GABRD: variants seen among roughly 807,000 people sequenced by gnomAD.
GABRD encodes the protein gamma-aminobutyric acid type A receptor subunit delta, also known as gamma-aminobutyric acid receptor subunit delta.
In GABRD, 25 loss-of-function variants were observed where a neutral mutation model predicts 47.3. The ratio of observed to expected loss-of-function variants is 0.53; its 90% CI spans 0.39 to 0.74. The LOEUF is 0.74. Among genes scored for constraint, GABRD ranks in the 30% least tolerant of loss-of-function variants. The pLI is 0.00. For synonymous variants in GABRD, 314 were observed against 278.8 expected, an observed-to-expected ratio of 1.13 and a Z score of -1.26; for missense variants, 497 against 643.4, an observed-to-expected ratio of 0.77 and a Z score of 2.46.
In GABRD at chr1:2,029,770, C is replaced by T. The variant is rs752030520; in HGVS notation, c.1059+8C>T. On this transcript the variant is annotated splice_region_variant and intron_variant, in intron 8 of 8. Transcript: ENST00000378585. The stretch of plus-strand genomic sequence containing the variant: ...TCCAGGCCGAGGGCAGAGGTGAGGG[C>T]CTGGGGCCGAGCCAGGGACAGCACT... 37 of 1,609,292 alleles carry T rather than the reference C, an allele frequency of 2.3e-5. No individual in the cohort carries two copies. In the Admixed American group the frequency reaches 3.0e-4, roughly 13 times the overall value.
chr1:2,025,619 C>G lies in GABRD; in HGVS notation c.351C>G (p.Asp117Glu). 1.9e-6 allele frequency: 3 copies of G among 1,613,132 alleles called. No homozygotes were observed. The highest frequency in any genetic ancestry group is 2.5e-6 in the Non-Finnish European group (3 of 1,180,010). The stretch of plus-strand genomic sequence containing the variant: ...TGGGTCTGGACAGCCGCTTCGTGGA[C>G]AAGCTGTGGCTGCCCGACACCTTCA... ...ETLGLDSRFV[D>E]KLWLPDTFIV... is the part of the protein sequence containing the mutation. Residue 117 changes from aspartate (D) to glutamate (E), a missense_variant, in exon 4 of 9, where the codon GAC (aspartate) becomes GAG (glutamate). Asp to Glu is a conservative substitution (Grantham distance 45). This residue lies in a region of GABRD where 285 missense variants were observed against 436.6 expected (regional missense o/e 0.65). Transcript: ENST00000378585.
rs2229110 is a variant in GABRD, at chr1:2,025,598, T to C, written c.330T>C (p.Gly110=). 0.63 allele frequency: 1,020,416 copies of C among 1,612,716 alleles called. 327,885 individuals are homozygous for C. Among genetic ancestry groups the C allele is most frequent in the African/African-American group, 0.73 (54,713 of 74,990 alleles). The change falls in exon 4 of 9, where the codon GGT becomes GGC. Residue 110 remains glycine (G), a synonymous_variant. Transcript: ENST00000378585. The part of the protein sequence containing the change: ...LSYNHTNETL[G]LDSRFVDKLW... ...ACAACCACACCAACGAGACCCTGGG[T>C]CTGGACAGCCGCTTCGTGGACAAGC...
At chr1:2,021,296 A>C (rs577155788) in intron 1 of GABRD, among the ~76,000 whole-genome samples, 1 of 152,174 alleles carries the variant, frequency 6.6e-6, no homozygotes, top group African/African-American at 2.4e-5. Context: ...CTTGGCGTCT[A>C]GGGGCAGGCC....
At chr1:2,027,463 A>T (rs1658957374) in intron 4 of GABRD, 114 bp from the exon 5 acceptor site, 5 of 798,926 alleles carry the variant, frequency 6.3e-6, no homozygotes, top group Non-Finnish European at 1.1e-5. Flanking sequence ...ACAGTCTGAG[A>T]AGTAGCTGGG....
rs200856528 is a variant in GABRD, at chr1:2,029,289, C to T, written c.847+23C>T. On this transcript the variant is annotated intron_variant, in intron 7 of 8. Transcript: ENST00000378585. ...TAGGTACGGGGCCTCGCCGCTGCTC[C>T]GAGGGAGCTGGAAGGGCGGCCCTGG... The T allele has an allele frequency of 3.8e-5, 59 of 1,544,620 alleles. 1 individual carries two copies. The highest frequency in any genetic ancestry group is 3.3e-4 in the South Asian group (28 of 84,104).
chr1:2,023,020 G>A (rs886844727), intron 1 of GABRD, among the ~76,000 whole-genome samples: 4 of 152,170 alleles, frequency 2.6e-5, no homozygotes, highest in African/African-American at 4.8e-5. Context: ...CCCAAACCCC[G>A]GTGGTCCTCA....
At position 2,028,087 on chromosome 1, in the gene GABRD, G is replaced by A. The variant is rs546749981; in HGVS notation, c.554-68G>A. ...CCCCTGCAGGCTTCCTGTGTGGACG[G>A]AGCGCTCCTGCCAGGGCTCCCGGGG... On this transcript the variant is annotated intron_variant, in intron 5 of 8. Transcript: ENST00000378585. The surrounding 1 kb of genome is among the most constrained non-coding windows in gnomAD (Gnocchi z 6.4). 29 of 1,552,398 alleles carry A rather than the reference G, an allele frequency of 1.9e-5. No homozygotes were observed. In the East Asian group the frequency reaches 6.2e-4, roughly 33 times the overall value.
At chr1:2,025,936 G>A (rs535133244) in intron 4 of GABRD, 198 bp downstream of exon 4, 12 of 600,018 alleles carry the variant, frequency 2.0e-5, no homozygotes, top group Middle Eastern at 4.5e-4. Context: ...CAAGGTCGCC[G>A]ACAGGAAGCC....
Position 2,027,675 on chromosome 1 carries a change from A to G in GABRD, c.553+16A>G, listed in dbSNP as rs917410476. ...CTGGAGAGCTGTGAGTGGGTGTGCA[A>G]GGCGGGTAGGGGCTTCTCCAGCAGT... On this transcript the variant is annotated intron_variant, in intron 5 of 8. Transcript: ENST00000378585. 6.2e-7 allele frequency: 1 copy of G among 1,610,484 alleles called. No individual in the cohort carries two copies. The highest frequency in any genetic ancestry group is 1.3e-5 in the African/African-American group (1 of 74,852).
At position 2,029,150 on chromosome 1, in the gene GABRD, G is replaced by T; in HGVS notation, c.731G>T (p.Arg244Leu). 1.3e-6 allele frequency: 2 copies of T among 1,547,154 alleles called. No homozygotes were observed. The highest frequency in any genetic ancestry group is 1.7e-6 in the Non-Finnish European group (2 of 1,147,658). ...FPRLSLHFHLRRNRGVYIIQS... is the reference protein window; with the variant it reads ...FPRLSLHFHLLRNRGVYIIQS... ...CGGCTCAGCCTGCACTTCCACCTGCGGAGGAACCGCGGCGTGTACATCATC... is the reference window on the plus strand; with the variant it reads ...CGGCTCAGCCTGCACTTCCACCTGCTGAGGAACCGCGGCGTGTACATCATC... Residue 244 changes from arginine (R) to leucine (L), a missense_variant, in exon 7 of 9, where the codon CGG (arginine) becomes CTG (leucine). Coordinates refer to ENST00000378585, the MANE Select transcript of GABRD (RefSeq NM_000815.5).
chr1:2,027,179 A>G (rs1190562326), intron 4 of GABRD: 3 of 329,832 alleles, frequency 9.1e-6, no homozygotes, highest in South Asian at 2.5e-5. Flanking sequence ...AAACAAAAAC[A>G]TCGGGATATT....
Position 2,025,555 on chromosome 1 carries a change from G to A in GABRD, c.287G>A (p.Arg96Gln), listed in dbSNP as rs751411266. ...TMTVFLHQSW[R>Q]DSRLSYNHTN... ...ACGGTGTTCCTGCACCAGAGCTGGC[G>A]GGACAGCAGGCTCTCCTACAACCAC... Residue 96 changes from arginine (R) to glutamine (Q), a missense_variant, in exon 4 of 9, where the codon CGG (arginine) becomes CAG (glutamine). Transcript: ENST00000378585. 7 of 1,613,096 alleles carry A rather than the reference G, an allele frequency of 4.3e-6. No individual in the cohort carries two copies. The highest frequency in any genetic ancestry group is 4.5e-5 in the East Asian group (2 of 44,888).
chr1:2,029,961 T>G, intron 8 of GABRD, 22 bp from the exon 9 acceptor site: 2 of 1,611,018 alleles, frequency 1.2e-6, no homozygotes, highest in Non-Finnish European at 1.7e-6. Flanking sequence ...CAGCCCTGTC[T>G]CCCCCACCGG....
chr1:2,027,917 C>A, intron 5 of GABRD: 1 of 613,606 alleles, frequency 1.6e-6, no homozygotes. Flanking sequence ...TGAGCCAGTG[C>A]AGCAGCCCCT....
At chr1:2,029,826 GC>G in intron 8 of GABRD, 64 bp downstream of exon 8, 6 of 1,527,822 alleles carry the variant, frequency 3.9e-6, no homozygotes, top group Non-Finnish European at 5.4e-6. Flanking sequence ...CCCTTCAGCT[GC>G]CCCAGCCCAC....
At chr1:2,022,368 G>A (rs1025799670) in intron 1 of GABRD, 18 of 152,326 alleles carry the variant, frequency 1.2e-4, no homozygotes, top group African/African-American at 4.3e-4. Flanking sequence ...TTCACGGTGG[G>A]AAAACGACCG....
At chr1:2,023,645 C>G (rs1268339477) in intron 1 of GABRD, 1 of 152,228 alleles carries the variant, frequency 6.6e-6, no homozygotes, top group East Asian at 1.9e-4. Context: ...GTCCCGGCCC[C>G]TCAACTCTCC....
intron 4 of GABRD, 124 bp downstream of exon 4, chr1:2,025,862 G>A (rs561793868): frequency 5.2e-6 from 4 of 764,336 alleles, no homozygotes; most frequent in African/African-American, 5.2e-5. Context: ...CGGGCGGGCG[G>A]AGGGGGGGGC....
At chr1:2,029,796 G>C in intron 8 of GABRD, 34 bp downstream of exon 8, 1 of 1,592,984 alleles carries the variant, frequency 6.3e-7, no homozygotes, top group South Asian at 1.1e-5. Context: ...GGACAGCACT[G>C]CTGGGGGCCC....
Sources: allele counts gnomAD v4.1 joint callset (sites outside exome capture counted in the v4.1 genomes callset), GRCh38; gene constraint gnomAD v4.1.1; regional missense constraint gnomAD v4.1.1; non-coding constraint Gnocchi (gnomAD v3.1); transcripts MANE v1.5; gene names NCBI Gene and HGNC (gene_info 2026-07-23, HGNC 2026-07-21).